EDA: variants seen among roughly 807,000 people sequenced by gnomAD.
The protein encoded by EDA is ectodysplasin A.
In EDA, 2 loss-of-function variants were observed where a neutral mutation model predicts 23.6. The observed-to-expected ratio is 0.08, with a 90% CI of 0.03 to 0.27. EDA has a LOEUF of 0.27. Ranked by LOEUF, EDA falls within the 10% of genes least tolerant of loss-of-function variation. EDA has a pLI of 1.00. For missense variants in EDA, 229 were observed against 324.2 expected (o/e 0.71, Z 2.26); for synonymous variants, 131 against 132.0 (o/e 0.99, Z 0.05).
At chrX:69,647,639 C>T (rs962232679) in intron 1 of EDA, among the ~76,000 whole-genome samples, 2 of 111,580 alleles carry the variant, frequency 1.8e-5, no homozygotes, top group Admixed American at 1.9e-4. Context: ...CAACATGCTC[C>T]TTTAGCTCAG....
At chrX:69,916,065 CTT>C (rs1332382485) in intron 1 of EDA, among the ~76,000 whole-genome samples, 2 of 111,845 alleles carry the variant, frequency 1.8e-5, no homozygotes, top group African/African-American at 3.3e-5. Flanking sequence ...TAAGTGCAGA[CTT>C]TGAAGGCAGA....
chrX:69,995,093 A>C (rs1179183913), intron 2 of EDA, among the ~76,000 whole-genome samples: 1 of 112,148 alleles, frequency 8.9e-6, no homozygotes, highest in Non-Finnish European at 1.9e-5. Flanking sequence ...AATCCTATAA[A>C]ACTGCTGTGG....
At position 69,630,670 on chromosome X, in the gene EDA, C is replaced by T. The variant is rs1272103296; in HGVS notation, c.396+13966C>T. Among the ~76,000 whole-genome samples, 3 of 112,296 alleles carry T rather than the reference C, an allele frequency of 2.7e-5. No homozygotes were observed. In the South Asian group the frequency reaches 1.1e-3, roughly 41 times the overall value. On this transcript the variant is annotated intron_variant, in intron 1 of 7. Coordinates refer to ENST00000374552, the MANE Select transcript of EDA (RefSeq NM_001399.5). Reference sequence around the variant, plus strand: ...AGAGGACTATTTGATAAATCTGTCTCTTTGTCTCGTTAATTATGTAAAACT... The same window carrying T: ...AGAGGACTATTTGATAAATCTGTCTTTTTGTCTCGTTAATTATGTAAAACT...
At chrX:69,711,334 G>A (rs2012020502) in intron 1 of EDA, among the ~76,000 whole-genome samples, 1 of 111,459 alleles carries the variant, frequency 9.0e-6, no homozygotes, top group South Asian at 3.8e-4. Context: ...TGCATCCCAG[G>A]GATGAAGCCC....
At chrX:69,740,933 T>G (rs1245850269) in intron 1 of EDA, among the ~76,000 whole-genome samples, 1 of 109,664 alleles carries the variant, frequency 9.1e-6, no homozygotes, top group Non-Finnish European at 1.9e-5. Context: ...GTTGAACCCC[T>G]CTCATGAATT....
rs1448964193 is a variant in EDA, at chrX:70,038,369, A to G, written c.*2760A>G. The G allele has an allele frequency of 4.5e-5, 5 of 111,289 alleles. No individual in the cohort carries two copies. In the Admixed American group the frequency reaches 4.8e-4, roughly 11 times the overall value. 9.2% of individuals were successfully genotyped at this position (111,289 alleles called of 1,213,427 possible). A position where few individuals can be genotyped will look rare whatever the true frequency, so the allele number is the denominator to read the frequency against. On this transcript the variant is annotated 3_prime_UTR_variant, in exon 8 of 8. Transcript: ENST00000374552. ...TTGCTGCTAAGTCATTGGCAAAGTG[A>G]CAAAGCAATTTACTGATGAGAGAAT... is the stretch of plus-strand genomic sequence containing the variant.
chrX:69,842,828 C>G (rs2016922910), intron 1 of EDA, among the ~76,000 whole-genome samples: 1 of 111,126 alleles, frequency 9.0e-6, no homozygotes, highest in African/African-American at 3.3e-5. Flanking sequence ...CTCCCCGACT[C>G]TCTCTCTCTT....
intron 1 of EDA, chrX:69,860,752 C>T (rs930661802): frequency 3.0e-5 from 15 of 506,408 alleles, no homozygotes; most frequent in Non-Finnish European, 5.3e-5. Context: ...CTCTGCATTT[C>T]CTTTATTTGA....
chrX:69,812,015 A>G (rs2015970373), intron 1 of EDA, among the ~76,000 whole-genome samples: 1 of 111,985 alleles, frequency 8.9e-6, no homozygotes, highest in African/African-American at 3.2e-5. Context: ...AAATATACTC[A>G]GGCTCTTTAT....
chrX:69,670,589 T>C (rs1178585465), intron 1 of EDA, among the ~76,000 whole-genome samples: 2 of 110,919 alleles, frequency 1.8e-5, no homozygotes, highest in African/African-American at 6.6e-5. Context: ...TAGGCTGTTT[T>C]CACTCTTTTT....
chrX:69,743,107 A>G (rs1390283683), intron 1 of EDA: 1 of 111,558 alleles, frequency 9.0e-6, no homozygotes, highest in Non-Finnish European at 1.9e-5. Flanking sequence ...TGGAACTAAT[A>G]CAAGTACTTC....
intron 2 of EDA, among the ~76,000 whole-genome samples, chrX:69,988,117 G>A (rs926756696): frequency 1.8e-5 from 2 of 112,258 alleles, no homozygotes; most frequent in Non-Finnish European, 3.8e-5. Context: ...AGACTAGTAA[G>A]CTCATTATGT....
chrX:69,956,885 T>G, intron 1 of EDA, 142 bp from the exon 2 acceptor site: 1 of 522,146 alleles, frequency 1.9e-6, no homozygotes. Flanking sequence ...AAATGGTTTG[T>G]ACAGTGGAGG....
intron 1 of EDA, among the ~76,000 whole-genome samples, chrX:69,860,306 G>A (rs1484893293): frequency 9.0e-6 from 1 of 111,282 alleles, no homozygotes; most frequent in African/African-American, 3.3e-5. Context: ...TTGATTATGT[G>A]GTTGCTTCAT....
At chrX:69,683,697 C>A (rs189428011) in intron 1 of EDA, among the ~76,000 whole-genome samples, 133 of 111,334 alleles carry the variant, frequency 1.2e-3, no homozygotes, top group African/African-American at 4.3e-3. Context: ...AGTATAATGC[C>A]TTGAACATGG....
At chrX:69,679,326 G>A (rs1934240059) in intron 1 of EDA, among the ~76,000 whole-genome samples, 1 of 106,273 alleles carries the variant, frequency 9.4e-6, no homozygotes, top group African/African-American at 3.4e-5. Context: ...TCAGGATGAT[G>A]CTGGCCTCAT....
rs1931933795 is a variant in EDA, at chrX:69,616,400, C to A, written c.92C>A (p.Pro31His). Residue 31 changes from proline (P) to histidine (H), a missense_variant, in exon 1 of 8, where the codon CCT becomes CAT. This residue lies in a region of EDA where 54 missense variants were observed against 42.4 expected (regional missense o/e 1.27). Transcript: ENST00000374552. Reference protein sequence around the residue: ...GSQGCGCGGAPARAGEGNSCL... With the variant: ...GSQGCGCGGAHARAGEGNSCL... ...CAGGGCTGCGGGTGTGGCGGGGCCC[C>A]TGCCCGGGCGGGCGAAGGGAACAGC... The A allele has an allele frequency of 2.5e-6, 3 of 1,207,039 alleles. No individual in the cohort carries two copies. The highest frequency in any genetic ancestry group is 1.1e-6 in the Non-Finnish European group (1 of 894,639).
intron 1 of EDA, among the ~76,000 whole-genome samples, chrX:69,867,531 T>C (rs2017505362): frequency 8.9e-6 from 1 of 112,302 alleles, no homozygotes; most frequent in Non-Finnish European, 1.9e-5. Flanking sequence ...CATCTGGCCA[T>C]TTCTCCTTCA....
At chrX:69,674,888 T>C (rs1300808745) in intron 1 of EDA, among the ~76,000 whole-genome samples, 1 of 112,349 alleles carries the variant, frequency 8.9e-6, no homozygotes, top group East Asian at 2.8e-4. Flanking sequence ...ATTTTGGTTC[T>C]CTTGTTGCCT....
Sources: allele counts gnomAD v4.1 joint callset (sites outside exome capture counted in the v4.1 genomes callset), GRCh38; gene constraint gnomAD v4.1.1; regional missense constraint gnomAD v4.1.1; transcripts MANE v1.5; gene names NCBI Gene and HGNC (gene_info 2026-07-23, HGNC 2026-07-21).